RNF6: variants seen among roughly 807,000 people sequenced by gnomAD.
The protein encoded by RNF6 is E3 ubiquitin-protein ligase RNF6.
A neutral mutation model predicts 50.1 loss-of-function variants in RNF6; 21 were observed. The ratio of observed to expected loss-of-function variants is 0.42; its 90% CI spans 0.30 to 0.60. RNF6 has a LOEUF of 0.60. RNF6 is among the 20% of genes least tolerant of loss of function. The probability of loss-of-function intolerance (pLI) is 0.20; values close to 1 mark genes in which losing one functional copy is unlikely to be tolerated. For synonymous variants in RNF6, 255 were observed against 291.8 expected, an observed-to-expected ratio of 0.87 and a Z score of 1.29; for missense variants, 698 against 838.2, an observed-to-expected ratio of 0.83 and a Z score of 2.07.
chr13:26,188,350 C>G (rs1043562877), intron 5 of RNF6, among the ~76,000 whole-genome samples: 1 of 152,176 alleles, frequency 6.6e-6, no homozygotes, highest in Non-Finnish European at 1.5e-5. Context: ...TAGACAAGGA[C>G]TTAATTGTGG....
intron 5 of RNF6, among the ~76,000 whole-genome samples, chr13:26,184,016 A>T (rs11617020): frequency 9.1e-4 from 35 of 38,576 alleles, no homozygotes; most frequent in East Asian, 5.0e-3. Context: ...ATATATATAT[A>T]TATTTTTTTT....
At chr13:26,178,606 G>C in intron 5 of RNF6, among the ~76,000 whole-genome samples, 1 of 115,798 alleles carries the variant, frequency 8.6e-6, no homozygotes, top group Non-Finnish European at 2.1e-5. Context: ...GTGTGTGTGT[G>C]TGTGTGTGTG....
intron 5 of RNF6, among the ~76,000 whole-genome samples, chr13:26,140,025 G>T (rs902292674): frequency 1.3e-5 from 2 of 151,968 alleles, no homozygotes; most frequent in African/African-American, 4.8e-5. Context: ...GTAACTATTG[G>T]CATATAAAAT....
intron 5 of RNF6, among the ~76,000 whole-genome samples, chr13:26,199,607 A>T (rs1593182757): frequency 6.6e-6 from 1 of 152,272 alleles, no homozygotes; most frequent in South Asian, 2.1e-4. Flanking sequence ...GACTGAGAGG[A>T]TAAAACATAT....
At position 26,214,490 on chromosome 13, in the gene RNF6, A is replaced by G. The variant is rs1289688908; in HGVS notation, c.1392T>C (p.Leu464=). 4.3e-6 allele frequency: 7 copies of G among 1,614,198 alleles called. No homozygotes were observed. The East Asian group carries it at 1.1e-4, about 26-fold the overall frequency. ...CAAGCTCATTCTCAGAAATCCTACG[A>G]AGAGGAACTGTTATGGTACTAACAT... ...RTYVSTITVP[L]RRISENELVE... is the part of the protein sequence containing the mutation. The change falls in exon 5 of 5, where the codon CTT becomes CTC. Residue 464 remains leucine (L), a synonymous_variant. Transcript: ENST00000381588.
exon 6 of RNF6, chr13:26,132,421 T>C (rs1217226080): frequency 2.2e-6 from 1 of 460,178 alleles, no homozygotes; most frequent in Admixed American, 2.3e-5. Flanking sequence ...ACTGGTTTTC[T>C]GGTAGCACTT....
chr13:26,135,064 G>A (rs1168747073), intron 5 of RNF6, among the ~76,000 whole-genome samples: 4 of 152,078 alleles, frequency 2.6e-5, no homozygotes, highest in South Asian at 4.1e-4. Flanking sequence ...ATCTTAAAGA[G>A]CAATATGTTT....
At chr13:26,175,819 A>C (rs74680701) in intron 5 of RNF6, among the ~76,000 whole-genome samples, 1 of 152,186 alleles carries the variant, frequency 6.6e-6, no homozygotes, top group African/African-American at 2.4e-5. Context: ...TTGAAAATGC[A>C]CATGGAAAAC....
intron 5 of RNF6, among the ~76,000 whole-genome samples, chr13:26,184,902 C>G (rs1389210457): frequency 6.6e-6 from 1 of 152,098 alleles, no homozygotes; most frequent in Non-Finnish European, 1.5e-5. Context: ...AGAGGGCAGC[C>G]CTCTCCCTAC....
At chr13:26,188,340 T>C (rs1436634359) in intron 5 of RNF6, among the ~76,000 whole-genome samples, 1 of 152,162 alleles carries the variant, frequency 6.6e-6, no homozygotes, top group Non-Finnish European at 1.5e-5. Flanking sequence ...GTGACAGACA[T>C]AGACAAGGAC....
At chr13:26,189,469 T>A (rs1868377027) in intron 5 of RNF6, among the ~76,000 whole-genome samples, 1 of 152,234 alleles carries the variant, frequency 6.6e-6, no homozygotes, top group Non-Finnish European at 1.5e-5. Flanking sequence ...TATATCTGTG[T>A]TCATACGAAA....
exon 6 of RNF6, chr13:26,132,291 A>G: frequency 2.9e-6 from 1 of 340,564 alleles, no homozygotes; most frequent in South Asian, 2.4e-5. Flanking sequence ...CCATAAAAGA[A>G]AAAAAACTGT....
chr13:26,193,320 G>C (rs1331751858), intron 5 of RNF6, among the ~76,000 whole-genome samples: 1 of 152,128 alleles, frequency 6.6e-6, no homozygotes. Context: ...AAAAAATGAG[G>C]AGCCAGGAGA....
intron 5 of RNF6, among the ~76,000 whole-genome samples, chr13:26,168,872 G>T (rs1308466749): frequency 1.3e-5 from 2 of 152,192 alleles, no homozygotes; most frequent in Non-Finnish European, 2.9e-5. Flanking sequence ...CACGGTGGCC[G>T]CACAGCTGTA....
chr13:26,215,541 A>C lies in RNF6; in HGVS notation c.341T>G (p.Leu114Trp), dbSNP rs1021375948. The change falls in exon 5 of 5, where the codon TTG (leucine) becomes TGG (tryptophan). Residue 114 changes from leucine to tryptophan, a missense_variant. Leu to Trp is a moderately conservative substitution (Grantham distance 61). Coordinates refer to ENST00000381588, the MANE Select transcript of RNF6 (RefSeq NM_005977.4). ...SSHEDSLLEW[L>W]NTFRRTGNAT... The stretch of plus-strand genomic sequence containing the variant: ...ATTTCCTGTGCGCCGAAAGGTGTTC[A>C]ACCATTCTAGAAGAGAATCTTCATG... The C allele has an allele frequency of 6.2e-7, 1 of 1,612,014 alleles. No individual in the cohort carries two copies. Among genetic ancestry groups the C allele is most frequent in the Non-Finnish European group, 8.5e-7 (1 of 1,180,022 alleles).
chr13:26,181,274 A>C (rs1873229137), intron 5 of RNF6, among the ~76,000 whole-genome samples: 1 of 152,212 alleles, frequency 6.6e-6, no homozygotes, highest in African/African-American at 2.4e-5. Context: ...GAGCACCTCC[A>C]GGATGTGCAC....
At chr13:26,139,500 A>G (rs1870823485) in intron 5 of RNF6, among the ~76,000 whole-genome samples, 1 of 152,150 alleles carries the variant, frequency 6.6e-6, no homozygotes, top group Admixed American at 6.6e-5. Context: ...ACCCTGTGTC[A>G]CCACTCAGTC....
intron 5 of RNF6, among the ~76,000 whole-genome samples, chr13:26,195,735 G>A (rs1301935332): frequency 6.6e-6 from 1 of 152,178 alleles, no homozygotes. Context: ...TCCAGAGCTA[G>A]TGGTCCTAAC....
chr13:26,214,091 A>G lies in RNF6; in HGVS notation c.1791T>C (p.Ser597=). Residue 597 remains serine (S), a synonymous_variant, in exon 5 of 5, where the codon AGT becomes AGC. Coordinates refer to ENST00000381588, the MANE Select transcript of RNF6 (RefSeq NM_005977.4). ...AACCACGTATTCGATCATCATCATCACTTTCATTTAGTAAAAAAAAGTGAG... is the reference window on the plus strand; with the variant it reads ...AACCACGTATTCGATCATCATCATCGCTTTCATTTAGTAAAAAAAAGTGAG... The part of the protein sequence containing the change: ...RLAHFFLLNE[S]DDDDRIRGLT... The G allele has an allele frequency of 1.2e-6, 2 of 1,614,174 alleles. No individual in the cohort carries two copies.
Sources: allele counts gnomAD v4.1 joint callset (sites outside exome capture counted in the v4.1 genomes callset), GRCh38; gene constraint gnomAD v4.1.1; transcripts MANE v1.5; gene names NCBI Gene and HGNC (gene_info 2026-07-23, HGNC 2026-07-21).